Variants in PRKCB observed in about 807,000 individuals in gnomAD.
PRKCB encodes the protein protein kinase C beta type.
Under a neutral mutation model 81.5 loss-of-function variants are expected in PRKCB, and 13 were observed. The ratio of observed to expected loss-of-function variants is 0.16; its 90% CI spans 0.10 to 0.25. The LOEUF (loss-of-function observed/expected upper bound fraction) is 0.25, where lower values mean the gene tolerates loss of function less well. PRKCB is among the 10% of genes least tolerant of loss of function. PRKCB has a pLI of 1.00. For missense variants in PRKCB, 509 were observed against 875.7 expected (o/e 0.58, Z 5.29); for synonymous variants, 335 against 321.4 (o/e 1.04, Z -0.45).
chr16:24,045,197 T>C (rs1443450914), intron 5 of PRKCB, among the ~76,000 whole-genome samples: 1 of 147,730 alleles, frequency 6.8e-6, no homozygotes, highest in Non-Finnish European at 1.5e-5. Flanking sequence ...AAAAAAAAAA[T>C]GAATGGATAA....
intron 3 of PRKCB, among the ~76,000 whole-genome samples, chr16:24,009,932 G>T (rs1033295121): frequency 2.0e-5 from 3 of 152,058 alleles, no homozygotes; most frequent in African/African-American, 4.8e-5. Context: ...CAGGAGAATC[G>T]CTTGAGGTTG....
At chr16:24,174,806 G>T in intron 12 of PRKCB, 1 of 469,384 alleles carries the variant, frequency 2.1e-6, no homozygotes, top group Non-Finnish European at 3.8e-6. Context: ...CACCAATGAT[G>T]GTTCAGAGCC....
intron 3 of PRKCB, among the ~76,000 whole-genome samples, chr16:23,998,146 A>AT (rs1418807226): frequency 6.6e-6 from 1 of 152,002 alleles, no homozygotes; most frequent in East Asian, 1.9e-4. Context: ...TGGAACATTA[A>AT]TTTTTTCCCG....
At chr16:23,985,632 A>C (rs1964794094) in intron 2 of PRKCB, among the ~76,000 whole-genome samples, 2 of 152,222 alleles carry the variant, frequency 1.3e-5, no homozygotes, top group East Asian at 1.9e-4. Flanking sequence ...AATTTCAATC[A>C]AAGTCCCAAT....
At chr16:24,093,806 C>T (rs1013950791) in intron 6 of PRKCB, among the ~76,000 whole-genome samples, 1 of 152,198 alleles carries the variant, frequency 6.6e-6, no homozygotes, top group Admixed American at 6.5e-5. Context: ...CTCAACCCAC[C>T]TGTGTGCAGA....
intron 5 of PRKCB, among the ~76,000 whole-genome samples, chr16:24,066,626 CT>C (rs751557997): frequency 1.2e-3 from 173 of 147,504 alleles, no homozygotes; most frequent in Non-Finnish European, 2.0e-3. Context: ...TTGGATTTTC[CT>C]TTTTTTTTTC....
At chr16:24,103,633 T>C (rs1441081219) in intron 7 of PRKCB, among the ~76,000 whole-genome samples, 1 of 152,198 alleles carries the variant, frequency 6.6e-6, no homozygotes, top group Non-Finnish European at 1.5e-5. Context: ...TGCTGAGGTT[T>C]GGGGTATGAA....
At chr16:24,023,791 C>T (rs1204181831) in intron 3 of PRKCB, among the ~76,000 whole-genome samples, 2 of 152,200 alleles carry the variant, frequency 1.3e-5, no homozygotes, top group East Asian at 3.8e-4. Flanking sequence ...CCCCAACCTT[C>T]CACTTACCCA....
chr16:24,159,682 G>A (rs1967224056), intron 10 of PRKCB, among the ~76,000 whole-genome samples: 2 of 152,094 alleles, frequency 1.3e-5, no homozygotes, highest in Admixed American at 1.3e-4. Flanking sequence ...CACATTCCTG[G>A]TTTTGGCTTA....
intron 2 of PRKCB, among the ~76,000 whole-genome samples, chr16:23,915,509 A>G (rs1255966857): frequency 6.6e-6 from 1 of 151,964 alleles, no homozygotes; most frequent in East Asian, 1.9e-4. Flanking sequence ...ACACAGTGGG[A>G]CCCCAGTCTC....
rs1966832433 is a variant in PRKCB, at chr16:24,123,999, G to A, written c.1065+18G>A. ...TTGGCAAGGTATGGTATGATTTGGT[G>A]GCTCCACCTGCTTTGGAAGGAACAT... On this transcript the variant is annotated intron_variant, in intron 9 of 16. Transcript: ENST00000643927. 2 of 1,613,530 alleles carry A rather than the reference G, an allele frequency of 1.2e-6. No homozygotes were observed. The highest frequency in any genetic ancestry group is 1.7e-6 in the Non-Finnish European group (2 of 1,179,724).
chr16:24,059,487 A>T (rs1197339568), intron 5 of PRKCB, among the ~76,000 whole-genome samples: 1 of 151,828 alleles, frequency 6.6e-6, no homozygotes, highest in Admixed American at 6.6e-5. Flanking sequence ...GGGAGACTCC[A>T]TTTCTACAAA....
At chr16:24,084,745 T>A (rs1966291474) in intron 5 of PRKCB, among the ~76,000 whole-genome samples, 1 of 152,026 alleles carries the variant, frequency 6.6e-6, no homozygotes, top group Non-Finnish European at 1.5e-5. Flanking sequence ...CAAAGATCAA[T>A]GGATGAGTGA....
In PRKCB at chr16:23,967,487, C is replaced by G. The variant is rs1180266518; in HGVS notation, c.206-21021C>G. 2.6e-5 allele frequency among the ~76,000 whole-genome samples: 4 copies of G among 152,214 alleles called. No individual in the cohort carries two copies. In the East Asian group the frequency reaches 7.7e-4, roughly 29 times the overall value. ...TCAAAGTGGAGAAGTAATTTAAAAG[C>G]TTGTGTGGGAAGGATTGAGAATGGG... On this transcript the variant is annotated intron_variant, in intron 2 of 16. Coordinates refer to ENST00000643927, the MANE Select transcript of PRKCB (RefSeq NM_002738.7).
At chr16:24,173,426 G>A (rs777352021) in intron 11 of PRKCB, among the ~76,000 whole-genome samples, 1 of 152,084 alleles carries the variant, frequency 6.6e-6, no homozygotes, top group African/African-American at 2.4e-5. Context: ...CATACTAGAG[G>A]CTTGGTGGCT....
intron 10 of PRKCB, among the ~76,000 whole-genome samples, chr16:24,155,273 G>A (rs1249968945): frequency 6.6e-6 from 1 of 152,188 alleles, no homozygotes; most frequent in African/African-American, 2.4e-5. Flanking sequence ...ATTGGAGGGA[G>A]GATGTTGCCT....
At chr16:24,174,750 G>A (rs1236643618) in intron 12 of PRKCB, 170 bp downstream of exon 12, 1 of 595,986 alleles carries the variant, frequency 1.7e-6, no homozygotes, top group Non-Finnish European at 3.0e-6. Flanking sequence ...CCCTGGCAAA[G>A]TTTGGGCAGC....
At chr16:24,150,254 T>C (rs115353963) in intron 9 of PRKCB, among the ~76,000 whole-genome samples, 1,653 of 152,212 alleles carry the variant, frequency 0.011, 34 homozygotes, top group African/African-American at 0.038. Context: ...TTGCTTGAAC[T>C]CGGGAGGAGG....
intron 3 of PRKCB, among the ~76,000 whole-genome samples, chr16:23,998,152 T>G (rs547998765): frequency 6.6e-6 from 1 of 152,202 alleles, no homozygotes; most frequent in Non-Finnish European, 1.5e-5. Context: ...ATTAATTTTT[T>G]CCCGCCTTTG....
Sources: allele counts gnomAD v4.1 joint callset (sites outside exome capture counted in the v4.1 genomes callset), GRCh38; gene constraint gnomAD v4.1.1; transcripts MANE v1.5; gene names NCBI Gene and HGNC (gene_info 2026-07-23, HGNC 2026-07-21).